The following ANKMY1 variants were observed in gnomAD, a reference collection of about 807,000 sequenced individuals.
ANKMY1 encodes ankyrin repeat and MYND domain-containing protein 1.
In ANKMY1, 98 loss-of-function variants were observed where a neutral mutation model predicts 102.0. The ratio of observed to expected loss-of-function variants is 0.96; its 90% CI spans 0.82 to 1.14. ANKMY1 has a LOEUF of 1.14. Ranked by LOEUF, ANKMY1 falls within the 50% of genes most tolerant of loss-of-function variation. The pLI is 0.00. For synonymous variants in ANKMY1, 582 were observed against 559.9 expected, an observed-to-expected ratio of 1.04 and a Z score of -0.56; for missense variants, 1,330 against 1,347.6, an observed-to-expected ratio of 0.99 and a Z score of 0.20.
chr2:240,471,043 A>G, the ANKMY1 span, among the ~76,000 whole-genome samples: 1 of 152,106 alleles, frequency 6.6e-6, no homozygotes, highest in Non-Finnish European at 1.5e-5. Context: ...GGAAACCGCA[A>G]AGAAACGAAG....
intron 13 of ANKMY1, among the ~76,000 whole-genome samples, chr2:240,502,950 G>A (rs1267552587): frequency 6.6e-6 from 1 of 151,350 alleles, no homozygotes; most frequent in Admixed American, 6.6e-5. Context: ...GCATGCCCTC[G>A]GCTGCAGCTG....
At chr2:240,494,839 C>T (rs1295587246) in intron 15 of ANKMY1, among the ~76,000 whole-genome samples, 1 of 151,842 alleles carries the variant, frequency 6.6e-6, no homozygotes, top group African/African-American at 2.4e-5. Context: ...GGCAAGCCAC[C>T]CAGGTGCCGA....
At chr2:240,479,816 A>G (rs1465743186) in intron 17 of ANKMY1, among the ~76,000 whole-genome samples, 161 bp from the exon 18 acceptor site, 1 of 152,164 alleles carries the variant, frequency 6.6e-6, no homozygotes, top group African/African-American at 2.4e-5. Context: ...ACTGAGGGCT[A>G]TCTGCCGTGA....
intron 9 of ANKMY1, among the ~76,000 whole-genome samples, chr2:240,514,400 G>C (rs147032565): frequency 4.7e-4 from 72 of 152,148 alleles, no homozygotes; most frequent in Middle Eastern, 3.4e-3. Flanking sequence ...AAGGAGGGAG[G>C]GAATTAACCC....
chr2:240,483,206 T>C (rs13025248), intron 15 of ANKMY1, among the ~76,000 whole-genome samples: 97,205 of 151,886 alleles, frequency 0.64, 31,801 homozygotes, highest in East Asian at 0.81. Context: ...AGCCAGGCTA[T>C]AGTGCAGTGG....
rs1378273244 is a variant in ANKMY1, at chr2:240,479,425, T to C, written c.*184A>G. 37 of 723,972 alleles carry C rather than the reference T, an allele frequency of 5.1e-5. No individual in the cohort carries two copies. In the Admixed American group the frequency reaches 8.1e-4, roughly 16 times the overall value. The allele number at this position is 723,972 out of a possible 1,614,324, so 44.8% of individuals were successfully genotyped here. On this transcript the variant is annotated 3_prime_UTR_variant, in exon 18 of 18. Transcript: ENST00000401804. ...GCTAGGGGCAGAGCACAGCACAGAC[T>C]GTCAAAATCACCCCGTGGGGCCAAT...
At chr2:240,493,042 G>T (rs1250070981) in intron 15 of ANKMY1, among the ~76,000 whole-genome samples, 2 of 152,076 alleles carry the variant, frequency 1.3e-5, no homozygotes, top group Non-Finnish European at 2.9e-5. Context: ...TCTTTTTGGT[G>T]ACTGGGTGTG....
intron 8 of ANKMY1, chr2:240,521,989 C>T (rs2082378045): frequency 6.6e-6 from 1 of 152,242 alleles, no homozygotes. Context: ...GCTTCCACAG[C>T]ACAGAAAGGA....
chr2:240,547,926 C>G (rs1334645842), intron 4 of ANKMY1, among the ~76,000 whole-genome samples: 1 of 152,118 alleles, frequency 6.6e-6, no homozygotes, highest in Non-Finnish European at 1.5e-5. Context: ...CCGAATTCTA[C>G]CAGAGGTACA....
At chr2:240,540,450 TC>T (rs1220468005) in intron 4 of ANKMY1, among the ~76,000 whole-genome samples, 1 of 152,160 alleles carries the variant, frequency 6.6e-6, no homozygotes, top group Non-Finnish European at 1.5e-5. Context: ...GCTTCTTTCC[TC>T]AGGAAAGGAA....
intron 2 of ANKMY1, among the ~76,000 whole-genome samples, chr2:240,556,817 G>A (rs1160955434): frequency 6.6e-6 from 1 of 152,204 alleles, no homozygotes; most frequent in Non-Finnish European, 1.5e-5. Flanking sequence ...ACGATGGGGT[G>A]ACAGGGGGAC....
the ANKMY1 span, among the ~76,000 whole-genome samples, chr2:240,471,235 C>T: frequency 7.3e-5 from 11 of 151,208 alleles, no homozygotes; most frequent in Admixed American, 3.3e-4. Context: ...GAAATCACAA[C>T]GCCTCAGGGA....
chr2:240,493,538 G>A (rs60097282), intron 15 of ANKMY1, among the ~76,000 whole-genome samples: 10,941 of 151,944 alleles, frequency 0.072, 485 homozygotes, highest in South Asian at 0.15. Context: ...GGGTACTTTG[G>A]CTTTGCTTCT....
At chr2:240,478,195 C>G (rs147081203), downstream of ANKMY1, among the ~76,000 whole-genome samples, 1,047 of 152,318 alleles carry the variant, frequency 6.9e-3, 15 homozygotes, top group African/African-American at 0.024. Context: ...CGCCATGTTT[C>G]CTGTGCAGCC....
At chr2:240,490,528 T>G (rs1479488191) in intron 15 of ANKMY1, among the ~76,000 whole-genome samples, 1 of 152,194 alleles carries the variant, frequency 6.6e-6, no homozygotes, top group Non-Finnish European at 1.5e-5. Flanking sequence ...GACTCAATAT[T>G]AATTCAGAAG....
chr2:240,520,375 CAG>C lies in ANKMY1; in HGVS notation c.1989_1990del (p.Ile663MetfsTer65), dbSNP rs2081971981. 6.4e-7 allele frequency: 1 copy of C among 1,560,978 alleles called. No homozygotes were observed. On this transcript the variant is annotated frameshift_variant, in exon 9 of 18. Transcript: ENST00000401804. LOFTEE classifies it high-confidence loss of function. The surrounding 1 kb of genome is among the most constrained non-coding windows in gnomAD (Gnocchi z 4.8). Reference sequence around the variant, plus strand: ...CGCGGCTCCTACCTGCGGCGGAAAGCAGATGTCGGTCCTCGCCCCGTGCTCCA... The same window carrying C: ...CGCGGCTCCTACCTGCGGCGGAAAGCATGTCGGTCCTCGCCCCGTGCTCCA...
At chr2:240,490,873 T>C (rs2076566250) in intron 15 of ANKMY1, among the ~76,000 whole-genome samples, 1 of 152,184 alleles carries the variant, frequency 6.6e-6, no homozygotes, top group Non-Finnish European at 1.5e-5. Flanking sequence ...TTCAATTCAA[T>C]GTTTCTTTGT....
At chr2:240,502,442 G>A (rs907870346) in intron 13 of ANKMY1, among the ~76,000 whole-genome samples, 18 of 151,906 alleles carry the variant, frequency 1.2e-4, no homozygotes, top group Non-Finnish European at 2.2e-4. Flanking sequence ...CAGCTCCCAC[G>A]TCTCCACAGA....
chr2:240,530,047 G>A (rs1271765239), intron 4 of ANKMY1, among the ~76,000 whole-genome samples: 4 of 152,134 alleles, frequency 2.6e-5, no homozygotes, highest in Non-Finnish European at 5.9e-5. Context: ...GAGAAAGAGG[G>A]GGACAGAGGA....
Sources: allele counts gnomAD v4.1 joint callset (sites outside exome capture counted in the v4.1 genomes callset), GRCh38; gene constraint gnomAD v4.1.1; non-coding constraint Gnocchi (gnomAD v3.1); transcripts MANE v1.5; gene names NCBI Gene and HGNC (gene_info 2026-07-23, HGNC 2026-07-21).